The following SOX6 variants were observed in gnomAD, a reference collection of about 807,000 sequenced individuals.
The protein encoded by SOX6 is transcription factor SOX-6.
In SOX6, 11 loss-of-function variants were observed where a neutral mutation model predicts 97.8. The ratio of observed to expected loss-of-function variants is 0.11; its 90% CI spans 0.07 to 0.19. The LOEUF is 0.19. Among genes scored for constraint, SOX6 ranks in the 10% least tolerant of loss-of-function variants. The probability of loss-of-function intolerance (pLI) is 1.00; values close to 1 mark genes in which losing one functional copy is unlikely to be tolerated. For missense variants in SOX6, 810 were observed against 1,039.5 expected, an observed-to-expected ratio of 0.78 and a Z score of 3.04; for synonymous variants, 360 against 371.4, an observed-to-expected ratio of 0.97 and a Z score of 0.35.
intron 3 of SOX6, among the ~76,000 whole-genome samples, chr11:16,623,254 C>T (rs1349270460): frequency 6.6e-6 from 1 of 152,162 alleles, no homozygotes; most frequent in East Asian, 1.9e-4. Context: ...CTCCTGACCT[C>T]AGGTGATCCA....
chr11:16,621,194 A>T (rs916183214), intron 3 of SOX6, among the ~76,000 whole-genome samples: 2 of 152,106 alleles, frequency 1.3e-5, no homozygotes, highest in African/African-American at 4.8e-5. Context: ...TAACACTTAC[A>T]GTTACACAAG....
intron 4 of SOX6, among the ~76,000 whole-genome samples, chr11:16,560,996 A>G (rs1847808747): frequency 6.6e-6 from 1 of 152,166 alleles, no homozygotes; most frequent in East Asian, 1.9e-4. Context: ...TGAGGAATAA[A>G]GGACTACACA....
At chr11:16,711,534 C>G (rs573356217) in intron 3 of SOX6, among the ~76,000 whole-genome samples, 3 of 152,054 alleles carry the variant, frequency 2.0e-5, no homozygotes, top group Non-Finnish European at 4.4e-5. Context: ...AAAAGAAAAC[C>G]CTACAATGGT....
At position 16,649,507 on chromosome 11, in the gene SOX6, T is replaced by C. The variant is rs565206983; in HGVS notation, n.430-37247A>G. 2.6e-5 allele frequency among the ~76,000 whole-genome samples: 4 copies of C among 152,326 alleles called. No individual in the cohort carries two copies. The South Asian group carries it at 8.3e-4, about 32-fold the overall frequency. On this transcript the variant is annotated intron_variant and non_coding_transcript_variant, in intron 3 of 5. Transcript: ENST00000524520. ...AAATAATTGTCAACCAAGAATTTTGTATCCAGCAAAACTAAGCTTCATGAA... is the reference window on the plus strand; with the variant it reads ...AAATAATTGTCAACCAAGAATTTTGCATCCAGCAAAACTAAGCTTCATGAA...
chr11:16,144,519 T>G (rs1306429626), intron 6 of SOX6, among the ~76,000 whole-genome samples: 1 of 151,960 alleles, frequency 6.6e-6, no homozygotes, highest in Admixed American at 6.6e-5. Context: ...CTGAAAGAGA[T>G]AGAGACACAA....
intron 1 of SOX6, among the ~76,000 whole-genome samples, chr11:16,387,528 T>C (rs910603930): frequency 1.3e-5 from 2 of 152,068 alleles, no homozygotes. Context: ...AGATTATTCA[T>C]AAAAGAATTA....
intron 1 of SOX6, among the ~76,000 whole-genome samples, chr11:16,462,887 G>A (rs576576423): frequency 6.6e-6 from 1 of 152,352 alleles, no homozygotes; most frequent in East Asian, 1.9e-4. Flanking sequence ...CTCTCTTTGA[G>A]TAGGAGAAAC....
chr11:16,131,219 G>T (rs1165957066), intron 6 of SOX6, among the ~76,000 whole-genome samples: 3 of 151,736 alleles, frequency 2.0e-5, no homozygotes, highest in Non-Finnish European at 2.9e-5. Context: ...TAAAGGACTT[G>T]TATTCAGAAT....
At chr11:16,412,363 C>T (rs190534918) in intron 1 of SOX6, among the ~76,000 whole-genome samples, 2 of 152,290 alleles carry the variant, frequency 1.3e-5, no homozygotes, top group East Asian at 3.9e-4. Flanking sequence ...TCAGATATAT[C>T]CATATATGCA....
intron 1 of SOX6, among the ~76,000 whole-genome samples, chr11:16,452,042 G>C (rs1169921646): frequency 6.9e-6 from 1 of 144,606 alleles, no homozygotes; most frequent in Non-Finnish European, 1.5e-5. Flanking sequence ...ACGTTTAAGT[G>C]ATATGGCCTT....
intron 3 of SOX6, among the ~76,000 whole-genome samples, chr11:16,244,752 GTA>G (rs1853286771): frequency 2.6e-5 from 4 of 151,546 alleles, no homozygotes; most frequent in Admixed American, 6.6e-5. Context: ...TATAGAGTGT[GTA>G]TGTGTGTGTG....
intron 12 of SOX6, among the ~76,000 whole-genome samples, chr11:16,019,862 T>C (rs1043949643): frequency 6.6e-6 from 1 of 152,114 alleles, no homozygotes; most frequent in Non-Finnish European, 1.5e-5. Context: ...AACAAATATA[T>C]GTATTATAAA....
At chr11:16,416,375 T>C (rs1858926978) in intron 1 of SOX6, among the ~76,000 whole-genome samples, 2 of 152,218 alleles carry the variant, frequency 1.3e-5, no homozygotes, top group Admixed American at 6.5e-5. Flanking sequence ...TCTGGAACTA[T>C]AAAAATTATT....
intron 1 of SOX6, among the ~76,000 whole-genome samples, chr11:16,435,501 T>C (rs1859359542): frequency 2.0e-5 from 3 of 152,066 alleles, no homozygotes; most frequent in Admixed American, 2.0e-4. Flanking sequence ...GAATTTTAGA[T>C]CTAAAAGAGC....
At chr11:16,419,537 A>T (rs556557089) in intron 1 of SOX6, among the ~76,000 whole-genome samples, 4 of 63,330 alleles carry the variant, frequency 6.3e-5, no homozygotes, top group Admixed American at 4.2e-4. Context: ...TTTTAAAAAT[A>T]AAAAAAAATG....
chr11:16,720,600 G>A (rs1848253470), intron 2 of SOX6, among the ~76,000 whole-genome samples: 1 of 137,830 alleles, frequency 7.3e-6, no homozygotes, highest in Non-Finnish European at 1.6e-5. Context: ...GCTAAATGAC[G>A]AGTTAATGGG....
intron 2 of SOX6, among the ~76,000 whole-genome samples, chr11:16,332,390 C>T (rs2134325895): frequency 6.6e-6 from 1 of 151,916 alleles, no homozygotes; most frequent in East Asian, 1.9e-4. Flanking sequence ...TCTATTATAC[C>T]ACCATAATCT....
intron 9 of SOX6, among the ~76,000 whole-genome samples, chr11:16,063,498 A>T (rs867963033): frequency 0.09 from 226 of 2,508 alleles, 2 homozygotes; most frequent in African/African-American, 0.24. Context: ...CCATAATTTT[A>T]TATATATATA....
At chr11:16,320,780 T>A (rs960043876) in intron 2 of SOX6, among the ~76,000 whole-genome samples, 3 of 152,322 alleles carry the variant, frequency 2.0e-5, no homozygotes, top group South Asian at 2.1e-4. Flanking sequence ...ATATATTATA[T>A]CTCAATTAAG....
Sources: allele counts gnomAD v4.1 joint callset (sites outside exome capture counted in the v4.1 genomes callset), GRCh38; gene constraint gnomAD v4.1.1; transcripts MANE v1.5; gene names NCBI Gene and HGNC (gene_info 2026-07-23, HGNC 2026-07-21).